The following TRDN variants were observed in gnomAD, a reference collection of about 807,000 sequenced individuals.
TRDN encodes the protein triadin in skeletal muscle.
In TRDN, 161 loss-of-function variants were observed where a neutral mutation model predicts 149.7. The ratio of observed to expected loss-of-function variants is 1.08; its 90% CI spans 0.95 to 1.23. The LOEUF is 1.23. TRDN is among the 50% of genes most tolerant of loss of function. The pLI is 0.00. For synonymous variants in TRDN, 294 were observed against 250.5 expected, an observed-to-expected ratio of 1.17 and a Z score of -1.64; for missense variants, 896 against 823.5, an observed-to-expected ratio of 1.09 and a Z score of -1.08.
At chr6:123,461,605 A>G (rs1332138980) in intron 10 of TRDN, among the ~76,000 whole-genome samples, 2 of 152,180 alleles carry the variant, frequency 1.3e-5, no homozygotes, top group South Asian at 2.1e-4. Context: ...ATGGAATCAT[A>G]TATGGTAATT....
chr6:123,498,764 GA>G (rs1480546736), intron 8 of TRDN: 5 of 363,714 alleles, frequency 1.4e-5, no homozygotes, highest in Non-Finnish European at 2.8e-5. Flanking sequence ...AAAGCAAGAT[GA>G]AAAAGTACAT....
intron 9 of TRDN, among the ~76,000 whole-genome samples, chr6:123,483,066 TTTATTATTATTATTATTATTA>T (rs71021451): frequency 7.0e-4 from 94 of 133,362 alleles, no homozygotes; most frequent in African/African-American, 2.3e-3. Context: ...TGATTTCTCA[TTTATTATTATTATTATTATTA>T]TTATTATTAT....
At chr6:123,283,464 G>T (rs1449359513) in intron 24 of TRDN, among the ~76,000 whole-genome samples, 1 of 151,348 alleles carries the variant, frequency 6.6e-6, no homozygotes, top group African/African-American at 2.4e-5. Context: ...AAATAACTAA[G>T]ATCAGAACAG....
At chr6:123,386,017 C>G (rs909711556) in intron 14 of TRDN, among the ~76,000 whole-genome samples, 7 of 152,060 alleles carry the variant, frequency 4.6e-5, no homozygotes, top group Non-Finnish European at 1.0e-4. Flanking sequence ...TTATATTTAT[C>G]TTGAGTCCTG....
intron 10 of TRDN, among the ~76,000 whole-genome samples, chr6:123,456,555 GT>G (rs1242725913): frequency 1.3e-5 from 2 of 151,296 alleles, no homozygotes; most frequent in Non-Finnish European, 2.9e-5. Flanking sequence ...TGCAACCTCT[GT>G]TTCCCAGGCT....
intron 12 of TRDN, among the ~76,000 whole-genome samples, chr6:123,403,924 T>G (rs913186303): frequency 1.3e-5 from 2 of 152,120 alleles, no homozygotes; most frequent in Non-Finnish European, 2.9e-5. Context: ...GGACAAGATA[T>G]TTGATATTCA....
chr6:123,297,709 G>A (rs1778254255), intron 24 of TRDN, among the ~76,000 whole-genome samples: 1 of 151,908 alleles, frequency 6.6e-6, no homozygotes, highest in Non-Finnish European at 1.5e-5. Context: ...TCCTTCAAAG[G>A]CCATGCAAAG....
intron 12 of TRDN, among the ~76,000 whole-genome samples, chr6:123,426,139 G>A (rs146603719): frequency 1.2e-4 from 18 of 152,242 alleles, no homozygotes; most frequent in African/African-American, 3.6e-4. Context: ...AGAAGGCAGA[G>A]AATGTAAGGA....
In TRDN at chr6:123,393,576, TAG is replaced by T. The variant is rs545170957; in HGVS notation, c.1105+46_1105+47del. 7.8e-5 allele frequency: 120 copies of T among 1,537,842 alleles called. No homozygotes were observed. The African/African-American group carries it at 1.4e-3, about 18-fold the overall frequency. ...TTTTGCTTTTGTCAATAAAGTGCTA[TAG>T]ATGTTTAAAAAAAGGCAATGCTTTT... On this transcript the variant is annotated intron_variant, in intron 13 of 40. Coordinates refer to ENST00000334268, the MANE Select transcript of TRDN (RefSeq NM_006073.4).
chr6:123,570,886 T>A lies in TRDN; in HGVS notation c.232+37A>T, dbSNP rs1320805395. On this transcript the variant is annotated intron_variant, in intron 2 of 40. Transcript: ENST00000334268. ...GGACACTGTTTCTTTCCATTTGAAT[T>A]AATTTTAATTTTAAAGCCAAATTTT... 1.9e-6 allele frequency: 3 copies of A among 1,588,380 alleles called. No individual in the cohort carries two copies. The Admixed American group carries it at 5.0e-5, about 27-fold the overall frequency.
At chr6:123,505,897 CAT>C (rs1778902043) in intron 7 of TRDN, among the ~76,000 whole-genome samples, 1 of 152,062 alleles carries the variant, frequency 6.6e-6, no homozygotes, top group Middle Eastern at 3.2e-3. Context: ...TGGGGTTTCA[CAT>C]GTCCATAAAC....
intron 30 of TRDN, 113 bp downstream of exon 30, chr6:123,271,026 C>T: frequency 2.0e-6 from 1 of 490,320 alleles, no homozygotes. Context: ...AGCCTACACA[C>T]TTCAGTGAAG....
chr6:123,601,846 T>C (rs1784295719), intron 1 of TRDN, among the ~76,000 whole-genome samples: 1 of 152,080 alleles, frequency 6.6e-6, no homozygotes, highest in South Asian at 2.1e-4. Context: ...TTCACATACA[T>C]CATATCAACT....
chr6:123,244,861 C>T (rs1776116709), intron 38 of TRDN, among the ~76,000 whole-genome samples: 1 of 152,122 alleles, frequency 6.6e-6, no homozygotes, highest in Non-Finnish European at 1.5e-5. Flanking sequence ...TCAGGTCACC[C>T]ACAAAGGGAA....
chr6:123,622,413 TG>T (rs1178433677), intron 1 of TRDN, among the ~76,000 whole-genome samples: 2 of 152,036 alleles, frequency 1.3e-5, no homozygotes, highest in Non-Finnish European at 2.9e-5. Context: ...GTAAAGCCTC[TG>T]GTCAACAGTA....
chr6:123,587,443 A>C, intron 1 of TRDN, among the ~76,000 whole-genome samples: 1 of 152,288 alleles, frequency 6.6e-6, no homozygotes, highest in Middle Eastern at 3.4e-3. Context: ...GAAGAGAGTA[A>C]GAAGAGTCTG....
At chr6:123,447,329 C>T (rs961582169) in intron 10 of TRDN, among the ~76,000 whole-genome samples, 1 of 152,124 alleles carries the variant, frequency 6.6e-6, no homozygotes, top group Non-Finnish European at 1.5e-5. Flanking sequence ...GTTTTAAAAA[C>T]CTCCTTCCAG....
chr6:123,320,229 G>A (rs1455296275), intron 23 of TRDN, among the ~76,000 whole-genome samples: 1 of 151,186 alleles, frequency 6.6e-6, no homozygotes, highest in Non-Finnish European at 1.5e-5. Flanking sequence ...TTATTATTTT[G>A]CACCAATGAC....
At chr6:123,591,302 G>A (rs1179229827) in intron 1 of TRDN, among the ~76,000 whole-genome samples, 3 of 152,088 alleles carry the variant, frequency 2.0e-5, no homozygotes, top group Non-Finnish European at 2.9e-5. Flanking sequence ...CTGGGGTGCA[G>A]TGGCACGATC....
Sources: gnomAD v4.1 joint callset for allele counts (sites outside exome capture counted in the v4.1 genomes callset) on GRCh38, gnomAD v4.1.1 for gene constraint, MANE v1.5 for transcripts, NCBI Gene and HGNC (gene_info 2026-07-23, HGNC 2026-07-21) for gene names.